PCDHA2: variants seen among roughly 807,000 people sequenced by gnomAD.
The protein encoded by PCDHA2 is protocadherin alpha-2.
Under a neutral mutation model 66.0 loss-of-function variants are expected in PCDHA2, and 58 were observed. The ratio of observed to expected loss-of-function variants is 0.88; its 90% CI spans 0.71 to 1.09. The LOEUF (loss-of-function observed/expected upper bound fraction) is 1.09. PCDHA2 is among the 50% of genes least tolerant of loss of function. The pLI is 0.00. For missense variants in PCDHA2, 1,267 were observed against 1,242.3 expected (o/e 1.02, Z -0.30); for synonymous variants, 634 against 554.0 (o/e 1.14, Z -2.03).
intron 1 of PCDHA2, among the ~76,000 whole-genome samples, chr5:140,937,469 T>C (rs1322050073): frequency 6.6e-6 from 1 of 152,210 alleles, no homozygotes; most frequent in Non-Finnish European, 1.5e-5. Flanking sequence ...ATACAAAAAT[T>C]AGCTGGACAT....
At chr5:140,939,766 C>T (rs58911992) in intron 1 of PCDHA2, among the ~76,000 whole-genome samples, 27,055 of 152,058 alleles carry the variant, frequency 0.18, 2,673 homozygotes, top group African/African-American at 0.26. Context: ...TATAGTATTT[C>T]AGGGTGTGAA....
At chr5:140,965,496 A>AT (rs71766133) in intron 1 of PCDHA2, among the ~76,000 whole-genome samples, 6,292 of 146,438 alleles carry the variant, frequency 0.043, 368 homozygotes, top group African/African-American at 0.14. Flanking sequence ...ATGACAGCAG[A>AT]TTTTTTTTTT....
At chr5:140,857,263 A>C (rs367883816) in intron 1 of PCDHA2, 1 of 1,598,420 alleles carries the variant, frequency 6.3e-7, no homozygotes, top group East Asian at 2.2e-5. Context: ...ATTACTACTC[A>C]TTGGTGCTGG....
rs529065220 is a variant in PCDHA2, at chr5:140,930,291, C to T, written c.2389-48658C>T. On this transcript the variant is annotated intron_variant, in intron 1 of 3. Transcript: ENST00000526136. ...TATTTTAGGGGACAAATACACTTAA[C>T]AAATAAGTAAATATCATATTTGAGA... The T allele has an allele frequency of 2.6e-5, 4 of 152,208 alleles. No homozygotes were observed. The South Asian group carries it at 8.3e-4, about 32-fold the overall frequency. 9.4% of individuals were successfully genotyped at this position (152,208 alleles called of 1,614,324 possible). A position where few individuals can be genotyped will look rare whatever the true frequency, so the allele number is the denominator to read the frequency against.
In PCDHA2 at chr5:140,981,654, ATTTCTTCCTTCC is replaced by A. The variant is rs563193906; in HGVS notation, c.2448-807_2448-796del. Among the ~76,000 whole-genome samples the A allele has an allele frequency of 1.4e-4, 22 of 152,142 alleles. No individual in the cohort carries two copies. In the East Asian group the frequency reaches 3.9e-3, roughly 27 times the overall value. On this transcript the variant is annotated intron_variant, in intron 2 of 3. Coordinates refer to ENST00000526136, the MANE Select transcript of PCDHA2 (RefSeq NM_018905.3). ...GACATTTTCTCTTAGGATCCCACTTATTTCTTCCTTCCTTTCTTCCTTCCTCCCTTCCATCAT... is the reference window on the plus strand; with the variant it reads ...GACATTTTCTCTTAGGATCCCACTTATTTCTTCCTTCCTCCCTTCCATCAT...
intron 1 of PCDHA2, among the ~76,000 whole-genome samples, chr5:140,976,093 A>G (rs782314077): frequency 6.6e-6 from 1 of 152,238 alleles, no homozygotes; most frequent in African/African-American, 2.4e-5. Context: ...TCAGTAGTCA[A>G]CTTTTCAACT....
chr5:140,812,982 T>C, intron 1 of PCDHA2: 1 of 152,248 alleles, frequency 6.6e-6, no homozygotes, highest in Non-Finnish European at 1.5e-5. Context: ...TCTAGTTTTA[T>C]TCCACTGTGG....
chr5:140,870,864 C>T lies in PCDHA2; in HGVS notation c.2388+73512C>T, dbSNP rs782241816. The T allele has an allele frequency of 3.7e-6, 6 of 1,613,816 alleles. No homozygotes were observed. The African/African-American group carries it at 8.0e-5, about 22-fold the overall frequency. ...TAGTACCGCGGTCGGTGGGTGCGGG[C>T]CACGTGGTGGCGAAGGTGCGCGCAG... On this transcript the variant is annotated intron_variant, in intron 1 of 3. Coordinates refer to ENST00000526136, the MANE Select transcript of PCDHA2 (RefSeq NM_018905.3).
intron 1 of PCDHA2, chr5:140,821,684 A>C: frequency 7.4e-7 from 1 of 1,353,542 alleles, no homozygotes; most frequent in Non-Finnish European, 1.0e-6. Flanking sequence ...AAAGGCGATA[A>C]TATAAAAAAT....
At chr5:141,007,527 C>T (rs1184006315) in intron 3 of PCDHA2, among the ~76,000 whole-genome samples, 1 of 152,070 alleles carries the variant, frequency 6.6e-6, no homozygotes, top group Non-Finnish European at 1.5e-5. Flanking sequence ...GATATCTCGC[C>T]ACTGCACTCC....
At chr5:140,971,884 C>A (rs1216931622) in intron 1 of PCDHA2, among the ~76,000 whole-genome samples, 1 of 151,602 alleles carries the variant, frequency 6.6e-6, no homozygotes, top group Admixed American at 6.6e-5. Flanking sequence ...AGGAAATAAG[C>A]TCAGGGAGGT....
intron 1 of PCDHA2, chr5:140,801,334 G>T (rs1762685080): frequency 6.2e-7 from 1 of 1,613,126 alleles, no homozygotes; most frequent in Non-Finnish European, 8.5e-7. Context: ...ACCTTCGTGG[G>T]CCGCATCGCG....
intron 1 of PCDHA2, among the ~76,000 whole-genome samples, chr5:140,918,353 C>T (rs557694814): frequency 4.6e-5 from 7 of 152,236 alleles, no homozygotes; most frequent in African/African-American, 1.7e-4. Context: ...AGGTTGACTT[C>T]CTCTCTGCCT....
rs2150458780 is a variant in PCDHA2 at position 140,849,941 on chromosome 5, T to C, written c.2388+52589T>C. 24 of 1,597,306 alleles carry C rather than the reference T, an allele frequency of 1.5e-5. 4 individuals are homozygous for C. In the Middle Eastern group the frequency reaches 5.4e-4, roughly 36 times the overall value. On this transcript the variant is annotated intron_variant, in intron 1 of 3. Transcript: ENST00000526136. ...TCTTCACGGTGTCTGCGCGGGACGC[T>C]GACGCGCAGGAGAACGCCCTGGTGT...
intron 1 of PCDHA2, chr5:140,851,286 C>T (rs956539821): frequency 9.6e-7 from 1 of 1,038,578 alleles, no homozygotes; most frequent in South Asian, 4.4e-5. Context: ...TATAAGAAAC[C>T]CAAGCAAAAA....
At chr5:140,892,011 A>G (rs1001369849) in intron 1 of PCDHA2, among the ~76,000 whole-genome samples, 10 of 152,244 alleles carry the variant, frequency 6.6e-5, no homozygotes, top group African/African-American at 2.4e-4. Flanking sequence ...CTGTTATAGC[A>G]GCACAAATGG....
chr5:140,920,640 T>C (rs1554199754), intron 1 of PCDHA2, among the ~76,000 whole-genome samples: 1 of 152,038 alleles, frequency 6.6e-6, no homozygotes, highest in African/African-American at 2.4e-5. Context: ...GGTCAAGAGA[T>C]TGAGACCATC....
intron 1 of PCDHA2, among the ~76,000 whole-genome samples, chr5:140,897,136 A>G (rs1206983852): frequency 6.6e-6 from 1 of 152,096 alleles, no homozygotes; most frequent in Admixed American, 6.5e-5. Context: ...TAAACTTTCT[A>G]GCCTTTGTTA....
chr5:140,812,579 C>T (rs2150030409), intron 1 of PCDHA2: 1 of 151,040 alleles, frequency 6.6e-6, no homozygotes, highest in East Asian at 2.0e-4. Flanking sequence ...TGAGATCTTT[C>T]TTCTTTCTTC....
Sources: allele counts gnomAD v4.1 joint callset (sites outside exome capture counted in the v4.1 genomes callset), GRCh38; gene constraint gnomAD v4.1.1; transcripts MANE v1.5; gene names NCBI Gene and HGNC (gene_info 2026-07-23, HGNC 2026-07-21).